The following CNTN5 variants were observed in gnomAD, a reference collection of about 807,000 sequenced individuals.
CNTN5 encodes the protein contactin 5.
In CNTN5, 77 loss-of-function variants were observed where a neutral mutation model predicts 129.1. The observed-to-expected ratio is 0.60, with a 90% CI of 0.50 to 0.72. The LOEUF (loss-of-function observed/expected upper bound fraction) is 0.72. Among genes scored for constraint, CNTN5 ranks in the 30% least tolerant of loss-of-function variants. The pLI, the probability that CNTN5 is intolerant of heterozygous loss-of-function variation, is 0.00. For synonymous variants in CNTN5, 509 were observed against 465.6 expected, an observed-to-expected ratio of 1.09 and a Z score of -1.20; for missense variants, 1,478 against 1,328.8, an observed-to-expected ratio of 1.11 and a Z score of -1.75.
At chr11:99,044,465 C>A (rs554568724) in intron 1 of CNTN5, among the ~76,000 whole-genome samples, 23 of 152,224 alleles carry the variant, frequency 1.5e-4, no homozygotes, top group African/African-American at 5.1e-4. Context: ...AATGAGCAGT[C>A]TAGTCCTCAT....
At chr11:99,111,912 A>G (rs1191605223) in intron 1 of CNTN5, among the ~76,000 whole-genome samples, 1 of 152,076 alleles carries the variant, frequency 6.6e-6, no homozygotes, top group Non-Finnish European at 1.5e-5. Flanking sequence ...TGTTCAAAAA[A>G]GATTACCAGC....
At chr11:99,344,703 C>T (rs981455647) in intron 2 of CNTN5, among the ~76,000 whole-genome samples, 10 of 151,994 alleles carry the variant, frequency 6.6e-5, no homozygotes, top group African/African-American at 1.9e-4. Context: ...ATCTCTGCTC[C>T]GAAAAGCATC....
intron 4 of CNTN5, among the ~76,000 whole-genome samples, chr11:99,826,422 T>C (rs921124425): frequency 2.0e-5 from 3 of 152,252 alleles, no homozygotes; most frequent in African/African-American, 4.8e-5. Flanking sequence ...CCTCACATGC[T>C]CACAGAAACA....
chr11:99,388,414 CAAAAA>C (rs10652309), intron 2 of CNTN5, among the ~76,000 whole-genome samples: 1 of 121,856 alleles, frequency 8.2e-6, no homozygotes, highest in Non-Finnish European at 1.6e-5. Flanking sequence ...AACCCGGTCT[CAAAAA>C]AAAAAAAAAA....
At chr11:99,278,457 T>A (rs1863548441) in intron 1 of CNTN5, among the ~76,000 whole-genome samples, 1 of 151,696 alleles carries the variant, frequency 6.6e-6, no homozygotes, top group Non-Finnish European at 1.5e-5. Flanking sequence ...ATTTAATAGA[T>A]TTTCATAAAA....
intron 1 of CNTN5, among the ~76,000 whole-genome samples, chr11:99,278,334 G>A (rs1863542430): frequency 6.6e-6 from 1 of 151,610 alleles, no homozygotes. Context: ...GGATGGAGAT[G>A]AGTAAATATC....
intron 1 of CNTN5, among the ~76,000 whole-genome samples, chr11:99,121,519 G>A (rs1354335567): frequency 6.6e-6 from 1 of 152,202 alleles, no homozygotes; most frequent in African/African-American, 2.4e-5. Flanking sequence ...CCAAATGTAG[G>A]ATTATTGGGT....
chr11:99,184,495 T>C (rs1858240389), intron 1 of CNTN5, among the ~76,000 whole-genome samples: 1 of 152,108 alleles, frequency 6.6e-6, no homozygotes, highest in Admixed American at 6.6e-5. Context: ...GCAGCCATCC[T>C]TCATACCCAT....
intron 6 of CNTN5, among the ~76,000 whole-genome samples, chr11:99,882,533 A>G (rs1948797281): frequency 6.6e-6 from 1 of 152,182 alleles, no homozygotes; most frequent in Non-Finnish European, 1.5e-5. Flanking sequence ...TGAGAACAAG[A>G]GATCTCTAAA....
At chr11:99,502,725 C>A (rs1946473032) in intron 2 of CNTN5, among the ~76,000 whole-genome samples, 1 of 152,176 alleles carries the variant, frequency 6.6e-6, no homozygotes, top group South Asian at 2.1e-4. Context: ...TCAACAAAAG[C>A]ACAGTTATGC....
intron 7 of CNTN5, among the ~76,000 whole-genome samples, chr11:99,927,003 T>C (rs936792340): frequency 2.0e-5 from 3 of 152,156 alleles, no homozygotes; most frequent in African/African-American, 7.2e-5. Context: ...GGAAGTGTAA[T>C]TGAGTGAGAC....
At chr11:99,386,072 T>C (rs1354511) in intron 2 of CNTN5, among the ~76,000 whole-genome samples, 3,657 of 152,270 alleles carry the variant, frequency 0.024, 251 homozygotes, top group East Asian at 0.18. Context: ...ACTGATCTAC[T>C]CAAGCCCGTT....
At chr11:99,505,337 T>C (rs1445770763) in intron 2 of CNTN5, among the ~76,000 whole-genome samples, 1 of 152,220 alleles carries the variant, frequency 6.6e-6, no homozygotes, top group African/African-American at 2.4e-5. Flanking sequence ...ATAAGAGCAT[T>C]GATTATCAGT....
At chr11:99,448,062 T>C (rs950488890) in intron 2 of CNTN5, among the ~76,000 whole-genome samples, 2 of 152,154 alleles carry the variant, frequency 1.3e-5, no homozygotes, top group African/African-American at 4.8e-5. Flanking sequence ...TATACATTTA[T>C]TGTAGAGTTA....
intron 6 of CNTN5, among the ~76,000 whole-genome samples, chr11:99,893,476 T>C (rs954582657): frequency 6.6e-6 from 1 of 152,162 alleles, no homozygotes; most frequent in Non-Finnish European, 1.5e-5. Flanking sequence ...AATGTATTAA[T>C]TTATTAGACA....
intron 3 of CNTN5, among the ~76,000 whole-genome samples, chr11:99,762,581 T>C (rs920075018): frequency 1.3e-5 from 2 of 152,032 alleles, no homozygotes; most frequent in East Asian, 1.9e-4. Flanking sequence ...GTTGTAGATA[T>C]GCGGCGTTAT....
At chr11:99,933,379 A>G (rs1950234990) in intron 7 of CNTN5, among the ~76,000 whole-genome samples, 1 of 152,198 alleles carries the variant, frequency 6.6e-6, no homozygotes, top group African/African-American at 2.4e-5. Flanking sequence ...GAACATCAGC[A>G]ACTTTTAAGT....
chr11:99,581,737 A>G (rs1949602596), intron 3 of CNTN5, among the ~76,000 whole-genome samples: 1 of 152,192 alleles, frequency 6.6e-6, no homozygotes, highest in Non-Finnish European at 1.5e-5. Context: ...TCAGCACATG[A>G]GATGGGTTTC....
intron 1 of CNTN5, among the ~76,000 whole-genome samples, chr11:99,110,510 A>G (rs1199430886): frequency 6.6e-6 from 1 of 152,152 alleles, no homozygotes; most frequent in African/African-American, 2.4e-5. Flanking sequence ...AGGACACCAC[A>G]TACCACCAGC....
Sources: gnomAD v4.1 joint callset for allele counts (sites outside exome capture counted in the v4.1 genomes callset) on GRCh38, gnomAD v4.1.1 for gene constraint, MANE v1.5 for transcripts, NCBI Gene and HGNC (gene_info 2026-07-23, HGNC 2026-07-21) for gene names.